The following EYS variants were observed in gnomAD, a reference collection of about 807,000 sequenced individuals.
EYS encodes the protein EGF-like photoreceptor maintenance factor, also known as protein eyes shut homolog.
Under a neutral mutation model 282.1 loss-of-function variants are expected in EYS, and 250 were observed. That is an observed-to-expected ratio of 0.89 (90% CI 0.80 to 0.98). EYS has a LOEUF of 0.98. EYS is among the 50% of genes least tolerant of loss of function. EYS has a pLI of 0.00. For missense variants in EYS, 4,016 were observed against 3,709.0 expected (o/e 1.08, Z -2.15); for synonymous variants, 1,355 against 1,282.9 (o/e 1.06, Z -1.20).
chr6:65,098,919 T>C (rs1342964320), intron 12 of EYS, among the ~76,000 whole-genome samples: 1 of 150,762 alleles, frequency 6.6e-6, no homozygotes, highest in Non-Finnish European at 1.5e-5. Context: ...AACAATTTTT[T>C]CATATATGCA....
chr6:64,911,965 T>A (rs924204378), intron 16 of EYS, among the ~76,000 whole-genome samples: 1 of 152,178 alleles, frequency 6.6e-6, no homozygotes, highest in African/African-American at 2.4e-5. Context: ...TCCAATAGTA[T>A]TTTTTGAACT....
chr6:65,001,078 G>T (rs960728456), intron 13 of EYS, among the ~76,000 whole-genome samples: 2 of 152,084 alleles, frequency 1.3e-5, no homozygotes, highest in Non-Finnish European at 2.9e-5. Flanking sequence ...AGTGTCTAGG[G>T]GTGGATGCCT....
chr6:63,728,632 T>C (rs1362186671), intron 41 of EYS, among the ~76,000 whole-genome samples: 2 of 152,228 alleles, frequency 1.3e-5, no homozygotes, highest in Non-Finnish European at 2.9e-5. Context: ...GTACATTCTA[T>C]GGATTTTGAC....
Position 63,732,821 on chromosome 6 carries a change from A to T in EYS, c.8072-6141T>A, listed in dbSNP as rs181547312. On this transcript the variant is annotated intron_variant, in intron 41 of 42. Transcript: ENST00000503581. Reference sequence around the variant, plus strand: ...CTGTCCGGGACATAACAGTAAAACAAACAAAAATTATTTGTGCTGTCATCC... The same window carrying T: ...CTGTCCGGGACATAACAGTAAAACATACAAAAATTATTTGTGCTGTCATCC... Among the ~76,000 whole-genome samples, 160 of 152,340 alleles carry T rather than the reference A, an allele frequency of 1.1e-3. No homozygotes were observed. In the Middle Eastern group the frequency reaches 0.014, roughly 13 times the overall value.
At chr6:65,558,478 A>G (rs891941406) in intron 2 of EYS, among the ~76,000 whole-genome samples, 3 of 152,166 alleles carry the variant, frequency 2.0e-5, no homozygotes, top group African/African-American at 7.2e-5. Flanking sequence ...CCAAGAGCAC[A>G]AGGATATCTG....
intron 26 of EYS, among the ~76,000 whole-genome samples, chr6:64,537,256 T>C (rs1472840682): frequency 6.9e-6 from 1 of 144,518 alleles, no homozygotes; most frequent in African/African-American, 2.6e-5. Flanking sequence ...GAATATGCGG[T>C]GTTTGGTTTT....
At chr6:63,855,436 A>G (rs535907928) in intron 36 of EYS, among the ~76,000 whole-genome samples, 2 of 152,332 alleles carry the variant, frequency 1.3e-5, no homozygotes, top group African/African-American at 2.4e-5. Flanking sequence ...CTATTCACTC[A>G]CTGATTATAT....
chr6:64,737,624 G>A (rs1772225139), intron 22 of EYS, among the ~76,000 whole-genome samples: 1 of 152,202 alleles, frequency 6.6e-6, no homozygotes, highest in Non-Finnish European at 1.5e-5. Context: ...TGTTTTGCAA[G>A]TGAGGTCTGA....
chr6:63,989,575 G>C (rs974721714), intron 34 of EYS, among the ~76,000 whole-genome samples: 1 of 151,458 alleles, frequency 6.6e-6, no homozygotes, highest in African/African-American at 2.4e-5. Flanking sequence ...TTTTAGGACA[G>C]AGCCTTCACC....
intron 30 of EYS, among the ~76,000 whole-genome samples, chr6:64,238,088 T>C (rs1766670632): frequency 1.3e-5 from 2 of 152,206 alleles, no homozygotes; most frequent in South Asian, 4.1e-4. Flanking sequence ...CTCCACATAA[T>C]AGTGTAATTT....
At chr6:65,381,795 A>G (rs535917250) in intron 8 of EYS, among the ~76,000 whole-genome samples, 124 of 152,120 alleles carry the variant, frequency 8.2e-4, no homozygotes, top group African/African-American at 2.9e-3. Flanking sequence ...GTTTTGCATG[A>G]AGAAACAAAT....
intron 26 of EYS, among the ~76,000 whole-genome samples, chr6:64,529,637 T>G (rs1386794341): frequency 2.6e-5 from 4 of 152,032 alleles, no homozygotes; most frequent in Non-Finnish European, 5.9e-5. Flanking sequence ...AGTACATATT[T>G]TATGAGATTG....
chr6:65,138,110 G>T (rs528012903), intron 12 of EYS, among the ~76,000 whole-genome samples: 2 of 152,038 alleles, frequency 1.3e-5, no homozygotes, highest in Admixed American at 6.6e-5. Flanking sequence ...GGACAGTACC[G>T]ATATCAATGA....
chr6:64,354,034 T>C (rs1310837927), intron 29 of EYS, among the ~76,000 whole-genome samples: 1 of 151,564 alleles, frequency 6.6e-6, no homozygotes, highest in Non-Finnish European at 1.5e-5. Context: ...ACTGCTCTTG[T>C]TGGTGGCAGA....
chr6:64,901,115 T>C (rs534961291), intron 18 of EYS, among the ~76,000 whole-genome samples: 28 of 151,818 alleles, frequency 1.8e-4, no homozygotes, highest in Non-Finnish European at 3.8e-4. Context: ...CTGGAAACCA[T>C]CATTCTTTGC....
rs1768036528 is a variant in EYS at position 65,435,390 on chromosome 6, G to T, written c.863-30023C>A. 4.0e-5 allele frequency among the ~76,000 whole-genome samples: 6 copies of T among 151,746 alleles called. 1 individual carries two copies. The highest frequency in any genetic ancestry group is 3.3e-4 in the Admixed American group (5 of 15,228). ...TTCACAAATTTTCTAATAAAATTTT[G>T]TTTTATATATATGAATACAAATACA... On this transcript the variant is annotated intron_variant, in intron 5 of 42. Coordinates refer to ENST00000503581, the MANE Select transcript of EYS (RefSeq NM_001142800.2).
chr6:64,932,160 AGC>A (rs1768748315), intron 15 of EYS, among the ~76,000 whole-genome samples: 8 of 152,030 alleles, frequency 5.3e-5, no homozygotes, highest in African/African-American at 1.7e-4. Context: ...CTCTCTCCCC[AGC>A]TCTTCAATGG....
chr6:64,870,145 G>C (rs1314070929), intron 19 of EYS, among the ~76,000 whole-genome samples: 1 of 151,566 alleles, frequency 6.6e-6, no homozygotes, highest in Non-Finnish European at 1.5e-5. Flanking sequence ...CACAAGATGA[G>C]TAGGAACATA....
At chr6:65,174,523 A>C (rs1045741923) in intron 12 of EYS, among the ~76,000 whole-genome samples, 2 of 151,346 alleles carry the variant, frequency 1.3e-5, no homozygotes, top group Admixed American at 1.3e-4. Flanking sequence ...GATTTATGAT[A>C]ATTTAAAGTC....
Sources: gnomAD v4.1 joint callset for allele counts (sites outside exome capture counted in the v4.1 genomes callset) on GRCh38, gnomAD v4.1.1 for gene constraint, MANE v1.5 for transcripts, NCBI Gene and HGNC (gene_info 2026-07-23, HGNC 2026-07-21) for gene names.